The following NELL2 variants were observed in gnomAD, a reference collection of about 807,000 sequenced individuals.
The protein encoded by NELL2 is protein kinase C-binding protein NELL2.
A neutral mutation model predicts 109.6 loss-of-function variants in NELL2; 41 were observed. That is an observed-to-expected ratio of 0.37 (90% CI 0.29 to 0.49). The LOEUF (loss-of-function observed/expected upper bound fraction) is 0.49. Ranked by LOEUF, NELL2 falls within the 20% of genes least tolerant of loss-of-function variation. NELL2 has a pLI of 0.98. For synonymous variants in NELL2, 355 were observed against 344.7 expected, an observed-to-expected ratio of 1.03 and a Z score of -0.33; for missense variants, 900 against 1,008.3, an observed-to-expected ratio of 0.89 and a Z score of 1.45.
At chr12:44,584,540 C>T (rs1944428263) in intron 15 of NELL2, among the ~76,000 whole-genome samples, 1 of 152,156 alleles carries the variant, frequency 6.6e-6, no homozygotes, top group African/African-American at 2.4e-5. Context: ...CTTATTTATG[C>T]AGTTGTTCTG....
At chr12:44,821,623 A>G (rs183873042) in intron 2 of NELL2, among the ~76,000 whole-genome samples, 9 of 152,344 alleles carry the variant, frequency 5.9e-5, no homozygotes, top group Admixed American at 2.0e-4. Context: ...TTATTATGAT[A>G]AGACCTAATT....
chr12:44,755,383 T>C (rs1410132845), intron 9 of NELL2, among the ~76,000 whole-genome samples: 4 of 152,042 alleles, frequency 2.6e-5, no homozygotes, highest in Non-Finnish European at 5.9e-5. Context: ...CACATGCACA[T>C]ACACACATTC....
At chr12:44,514,104 C>T (rs1391542346) in intron 19 of NELL2, among the ~76,000 whole-genome samples, 1 of 151,752 alleles carries the variant, frequency 6.6e-6, no homozygotes, top group Non-Finnish European at 1.5e-5. Flanking sequence ...ACAATGGAAA[C>T]TAGAAAATAA....
At chr12:44,814,813 T>C (rs1483836279) in intron 3 of NELL2, among the ~76,000 whole-genome samples, 1 of 152,214 alleles carries the variant, frequency 6.6e-6, no homozygotes, top group Non-Finnish European at 1.5e-5. Flanking sequence ...TTTCTTACGT[T>C]TGCTCTTTAG....
Position 44,522,087 on chromosome 12 carries a change from A to G in NELL2, c.2088T>C (p.Leu696=), listed in dbSNP as rs1019651209. Residue 696 remains leucine, a synonymous_variant, in exon 18 of 20, where the codon CTT becomes CTC. Transcript: ENST00000429094. ...LFCCPECDPR[L]SSQCLHQNGE... Reference sequence around the variant, plus strand: ...CATTTTGATGGAGGCACTGACTACTAAGCCTTGGGTCACATTCAGGGCAGC... The same window carrying G: ...CATTTTGATGGAGGCACTGACTACTGAGCCTTGGGTCACATTCAGGGCAGC... The G allele has an allele frequency of 6.2e-6, 10 of 1,614,038 alleles. No homozygotes were observed. The highest frequency in any genetic ancestry group is 7.6e-6 in the Non-Finnish European group (9 of 1,180,030).
chr12:44,757,968 T>A (rs1041910261), intron 9 of NELL2, among the ~76,000 whole-genome samples: 6 of 151,986 alleles, frequency 3.9e-5, no homozygotes, highest in African/African-American at 1.4e-4. Flanking sequence ...GGGATATTAG[T>A]TAGGGACATT....
chr12:44,665,734 A>G (rs778610935), intron 12 of NELL2, 125 bp from the exon 13 acceptor site: 332 of 1,092,348 alleles, frequency 3.0e-4, no homozygotes, highest in Non-Finnish European at 4.0e-4. Flanking sequence ...AGCATTCATG[A>G]TATCTCCTTT....
At chr12:44,642,270 T>C (rs1379152877) in intron 13 of NELL2, among the ~76,000 whole-genome samples, 1 of 152,028 alleles carries the variant, frequency 6.6e-6, no homozygotes, top group Non-Finnish European at 1.5e-5. Flanking sequence ...AAACACTCAT[T>C]AGGAATCAAT....
chr12:44,595,866 G>C lies in NELL2; in HGVS notation c.1663+11303C>G, dbSNP rs533653960. On this transcript the variant is annotated intron_variant, in intron 15 of 19. Transcript: ENST00000429094. ...GCAATGGAAACTTTGTCTAACACTTGAAAGTATATTTTCACACATTTAATC... is the reference window on the plus strand; with the variant it reads ...GCAATGGAAACTTTGTCTAACACTTCAAAGTATATTTTCACACATTTAATC... 1.2e-4 allele frequency among the ~76,000 whole-genome samples: 19 copies of C among 152,258 alleles called. 1 individual carries two copies. In the East Asian group the frequency reaches 1.9e-3, roughly 15 times the overall value.
At chr12:44,532,815 G>C in intron 15 of NELL2, 94 bp from the exon 16 acceptor site, 1 of 1,134,416 alleles carries the variant, frequency 8.8e-7, no homozygotes, top group Non-Finnish European at 1.2e-6. Context: ...TTTAATGCCA[G>C]CAAATCCTTG....
At chr12:44,781,971 T>C (rs1341147368) in intron 3 of NELL2, among the ~76,000 whole-genome samples, 1 of 151,738 alleles carries the variant, frequency 6.6e-6, no homozygotes, top group Non-Finnish European at 1.5e-5. Context: ...AGAAAGAACA[T>C]AGTATGTAAA....
chr12:44,791,078 T>TAC (rs1942371533), intron 3 of NELL2, among the ~76,000 whole-genome samples: 1 of 8,182 alleles, frequency 1.2e-4, no homozygotes, highest in African/African-American at 2.2e-4. Context: ...TATATATATA[T>TAC]ATACATATAT....
rs942717846 is a variant in NELL2 at position 44,876,059 on chromosome 12, C to T, written c.-190G>A. 43 of 1,448,494 alleles carry T rather than the reference C, an allele frequency of 3.0e-5. No homozygotes were observed. Among genetic ancestry groups the T allele is most frequent in the Admixed American group, 7.5e-5 (3 of 39,770 alleles). The allele number at this position is 1,448,494 out of a possible 1,614,324, so 89.7% of individuals were successfully genotyped here. A position where few individuals can be genotyped will look rare whatever the true frequency, so the allele number is the denominator to read the frequency against. On this transcript the variant is annotated 5_prime_UTR_variant, in exon 1 of 20. Coordinates refer to ENST00000429094, the MANE Select transcript of NELL2 (RefSeq NM_001145108.2). Reference sequence around the variant, plus strand: ...GAGGCCTCCCCAGGCGCGTGAAGAACTTAGACCCTCCAATGCGCACATCAT... The same window carrying T: ...GAGGCCTCCCCAGGCGCGTGAAGAATTTAGACCCTCCAATGCGCACATCAT...
At chr12:44,742,879 A>G (rs943453470) in intron 9 of NELL2, among the ~76,000 whole-genome samples, 2 of 152,246 alleles carry the variant, frequency 1.3e-5, no homozygotes, top group African/African-American at 4.8e-5. Flanking sequence ...AACACGATGC[A>G]GGATATTATC....
intron 13 of NELL2, among the ~76,000 whole-genome samples, chr12:44,641,992 C>T (rs752972376): frequency 1.3e-5 from 2 of 152,054 alleles, no homozygotes; most frequent in African/African-American, 2.4e-5. Context: ...CCAGCGCGCC[C>T]GGCCCAGTTT....
chr12:44,796,649 A>G (rs1228801652), intron 3 of NELL2, among the ~76,000 whole-genome samples: 1 of 152,132 alleles, frequency 6.6e-6, no homozygotes, highest in Non-Finnish European at 1.5e-5. Context: ...AAAACTAATA[A>G]TAACACTACT....
intron 13 of NELL2, among the ~76,000 whole-genome samples, chr12:44,644,188 T>C (rs994971625): frequency 6.6e-6 from 1 of 152,044 alleles, no homozygotes; most frequent in African/African-American, 2.4e-5. Context: ...ATTCAGGCCA[T>C]TATGTAGCAG....
chr12:44,514,513 TATTATA>T (rs1449519546), intron 19 of NELL2, among the ~76,000 whole-genome samples: 2 of 151,572 alleles, frequency 1.3e-5, no homozygotes, highest in East Asian at 3.9e-4. Context: ...TACAGTATAT[TATTATA>T]ATTATATTTT....
At chr12:44,835,194 GT>G (rs1462238304) in intron 2 of NELL2, among the ~76,000 whole-genome samples, 1 of 152,310 alleles carries the variant, frequency 6.6e-6, no homozygotes, top group East Asian at 1.9e-4. Context: ...ACAGTCATTA[GT>G]CTCTCAGACA....
Sources: allele counts gnomAD v4.1 joint callset (sites outside exome capture counted in the v4.1 genomes callset), GRCh38; gene constraint gnomAD v4.1.1; transcripts MANE v1.5; gene names NCBI Gene and HGNC (gene_info 2026-07-23, HGNC 2026-07-21).